The following CHPT1 variants were observed in gnomAD, a reference collection of about 807,000 sequenced individuals.
The protein encoded by CHPT1 is cholinephosphotransferase 1.
In CHPT1, 36 loss-of-function variants were observed where a neutral mutation model predicts 47.6. That is an observed-to-expected ratio of 0.76 (90% CI 0.58 to 1.00). The LOEUF is 1.00. CHPT1 is among the 50% of genes least tolerant of loss of function. CHPT1 has a pLI of 0.00. For missense variants in CHPT1, 458 were observed against 498.1 expected (o/e 0.92, Z 0.77); for synonymous variants, 194 against 186.3 (o/e 1.04, Z -0.33).
chr12:101,719,522 T>TA, intron 4 of CHPT1: 1 of 1,283,816 alleles, frequency 7.8e-7, no homozygotes, highest in African/African-American at 1.5e-5. Context: ...AACAGGTAAA[T>TA]ATATTGCTAG....
Position 101,726,391 on chromosome 12 carries a change from A to G in CHPT1, c.1163A>G (p.Gln388Arg). ...HLNIFKTACH[Q>R]APEQVQVLSS... ...AATATATTCAAGACTGCATGTCATCAAGCACCTGAACAGGTTCACAAGCAT... is the reference window on the plus strand; with the variant it reads ...AATATATTCAAGACTGCATGTCATCGAGCACCTGAACAGGTTCACAAGCAT... Residue 388 changes from glutamine to arginine, a missense_variant, in exon 8 of 9, where the codon CAA becomes CGA. Physicochemically the swap from Gln to Arg is conservative, Grantham distance 43. Coordinates refer to ENST00000229266, the MANE Select transcript of CHPT1 (RefSeq NM_020244.3). 6.2e-7 allele frequency: 1 copy of G among 1,613,012 alleles called. No individual in the cohort carries two copies. The highest frequency in any genetic ancestry group is 8.5e-7 in the Non-Finnish European group (1 of 1,179,616).
rs1219262500 is a variant in CHPT1 at position 101,712,314 on chromosome 12, C to A, written c.274-1776C>A. On this transcript the variant is annotated intron_variant, in intron 1 of 8. Coordinates refer to ENST00000229266, the MANE Select transcript of CHPT1 (RefSeq NM_020244.3). ...AGGATTATAGGTGTGAGCCGCCGAA[C>A]CTGGACTGTGATTTTCTGCTTACTA... is the stretch of plus-strand genomic sequence containing the variant. 9.4e-5 allele frequency among the ~76,000 whole-genome samples: 14 copies of A among 148,682 alleles called. 2 individuals are homozygous for A. Among genetic ancestry groups the A allele is most frequent in the East Asian group, 4.0e-4 (2 of 4,992 alleles).
intron 1 of CHPT1, among the ~76,000 whole-genome samples, chr12:101,703,232 A>C (rs1951579290): frequency 6.6e-6 from 1 of 152,152 alleles, no homozygotes; most frequent in African/African-American, 2.4e-5. Context: ...TGGATGATAG[A>C]TTTGGCCTCA....
At chr12:101,726,452 G>A (rs375736985) in intron 8 of CHPT1, 48 bp downstream of exon 8, 2 of 1,600,276 alleles carry the variant, frequency 1.2e-6, no homozygotes, top group African/African-American at 1.3e-5. Flanking sequence ...AAGAGGAGAT[G>A]AAGTTAGGGG....
At chr12:101,726,849 A>AATAC in intron 8 of CHPT1, 1 of 168,806 alleles carries the variant, frequency 5.9e-6, no homozygotes, top group East Asian at 1.6e-4. Context: ...GCTTAAGTGC[A>AATAC]TGGCTTATAA....
In CHPT1 at chr12:101,711,363, C is replaced by G. The variant is rs1951699366; in HGVS notation, c.274-2727C>G. Among the ~76,000 whole-genome samples, 3 of 148,428 alleles carry G rather than the reference C, an allele frequency of 2.0e-5. 1 individual carries two copies. The highest frequency in any genetic ancestry group is 4.5e-5 in the Non-Finnish European group (3 of 66,366). On this transcript the variant is annotated intron_variant, in intron 1 of 8. Coordinates refer to ENST00000229266, the MANE Select transcript of CHPT1 (RefSeq NM_020244.3). The stretch of plus-strand genomic sequence containing the variant: ...ATTACTGAGCCCTAAAGAACAAAAT[C>G]TTGCCATTTACCACAACATGGATGA...
chr12:101,712,629 T>C lies in CHPT1; in HGVS notation c.274-1461T>C, dbSNP rs527876878. Among the ~76,000 whole-genome samples the C allele has an allele frequency of 2.7e-5, 4 of 148,816 alleles. 1 individual carries two copies. Among genetic ancestry groups the C allele is most frequent in the Admixed American group, 1.4e-4 (2 of 14,622 alleles). ...CTTTCGTCATTTTGGATAGTTTCCATTGGTACATGCTTATTGATCTTTTCT... is the reference window on the plus strand; with the variant it reads ...CTTTCGTCATTTTGGATAGTTTCCACTGGTACATGCTTATTGATCTTTTCT... On this transcript the variant is annotated intron_variant, in intron 1 of 8. Coordinates refer to ENST00000229266, the MANE Select transcript of CHPT1 (RefSeq NM_020244.3).
Position 101,698,138 on chromosome 12 carries a change from G to A in CHPT1, c.273+4G>A. On this transcript the variant is annotated splice_donor_region_variant and intron_variant, in intron 1 of 8. Transcript: ENST00000229266. The stretch of plus-strand genomic sequence containing the variant: ...CTGTCCCACGGCCACCGAAGAGGTA[G>A]GGCTGGCCGATCGCCCGAGCCGGGC... 1 of 1,493,294 alleles carries A rather than the reference G, an allele frequency of 6.7e-7. No homozygotes were observed. Among genetic ancestry groups the A allele is most frequent in the African/African-American group, 1.4e-5 (1 of 69,174 alleles). 92.5% of individuals were successfully genotyped at this position (1,493,294 alleles called of 1,614,324 possible). A position where few individuals can be genotyped will look rare whatever the true frequency, so the allele number is the denominator to read the frequency against.
At chr12:101,723,648 A>G in intron 6 of CHPT1, 74 bp from the exon 7 acceptor site, 1 of 943,730 alleles carries the variant, frequency 1.1e-6, no homozygotes, top group Non-Finnish European at 1.5e-6. Context: ...AATTAAAGTT[A>G]TAATTAATTC....
intron 1 of CHPT1, among the ~76,000 whole-genome samples, chr12:101,700,731 G>A (rs1951543237): frequency 6.6e-6 from 1 of 152,170 alleles, no homozygotes; most frequent in African/African-American, 2.4e-5. Flanking sequence ...AGCCAAAGAG[G>A]TTAGCAAGTT....
intron 8 of CHPT1, chr12:101,727,444 T>G (rs1282006684): frequency 6.6e-6 from 1 of 152,088 alleles, no homozygotes; most frequent in African/African-American, 2.4e-5. Flanking sequence ...CCCTATTTAT[T>G]TTTAATTTTA....
chr12:101,709,664 G>A (rs1242651620), intron 1 of CHPT1, among the ~76,000 whole-genome samples: 1 of 148,946 alleles, frequency 6.7e-6, no homozygotes, highest in Non-Finnish European at 1.5e-5. Context: ...ATTGGAAAAG[G>A]AGTGAACCAA....
chr12:101,728,725 A>T, intron 8 of CHPT1, 176 bp from the exon 9 acceptor site: 2 of 660,014 alleles, frequency 3.0e-6, no homozygotes, highest in Non-Finnish European at 5.0e-6. Context: ...CTGAAAGCTT[A>T]ATACATATTC....
At chr12:101,718,143 A>AC (rs1951791569) in intron 4 of CHPT1, among the ~76,000 whole-genome samples, 1 of 152,260 alleles carries the variant, frequency 6.6e-6, no homozygotes, top group African/African-American at 2.4e-5. Context: ...GAATAGGTGA[A>AC]GCACAGAGAA....
chr12:101,697,732 G>C lies in CHPT1; in HGVS notation c.-130G>C, dbSNP rs1303529306. On this transcript the variant is annotated 5_prime_UTR_variant, in exon 1 of 9. Transcript: ENST00000229266. ...CCGGCCTGACCTCGACCTCCGCCGT[G>C]CGGGCCCGACCGGTGAGTCCAGCCC... 1 of 226,704 alleles carries C rather than the reference G, an allele frequency of 4.4e-6. No individual in the cohort carries two copies. The highest frequency in any genetic ancestry group is 7.5e-6 in the Non-Finnish European group (1 of 132,566). 14.0% of individuals were successfully genotyped at this position (226,704 alleles called of 1,614,324 possible). A position where few individuals can be genotyped will look rare whatever the true frequency, so the allele number is the denominator to read the frequency against.
At chr12:101,727,557 T>C (rs1312282549) in intron 8 of CHPT1, 4 of 150,824 alleles carry the variant, frequency 2.7e-5, no homozygotes, top group South Asian at 2.1e-4. Context: ...AAAAGGTATA[T>C]TGAAGAAAAC....
intron 4 of CHPT1, among the ~76,000 whole-genome samples, chr12:101,717,054 C>T (rs887775059): frequency 6.6e-6 from 1 of 151,614 alleles, no homozygotes; most frequent in Non-Finnish European, 1.5e-5. Flanking sequence ...AAGAAGACAA[C>T]CTCATTTCCC....
chr12:101,707,633 C>G (rs1264966117), intron 1 of CHPT1, among the ~76,000 whole-genome samples: 1 of 152,158 alleles, frequency 6.6e-6, no homozygotes, highest in Non-Finnish European at 1.5e-5. Context: ...TCCTTGCCCT[C>G]TCTGTGCTTT....
chr12:101,699,952 A>G (rs1208689422), intron 1 of CHPT1, among the ~76,000 whole-genome samples: 1 of 152,224 alleles, frequency 6.6e-6, no homozygotes, highest in Non-Finnish European at 1.5e-5. Flanking sequence ...AAACAACTTG[A>G]CAAGGATGCA....
Sources: gnomAD v4.1 joint callset for allele counts (sites outside exome capture counted in the v4.1 genomes callset) on GRCh38, gnomAD v4.1.1 for gene constraint, MANE v1.5 for transcripts, NCBI Gene and HGNC (gene_info 2026-07-23, HGNC 2026-07-21) for gene names.